ATP8A1: variants seen among roughly 807,000 people sequenced by gnomAD.
ATP8A1 encodes the protein phospholipid-transporting ATPase IA.
ATP8A1 carries 90 observed loss-of-function variants against 177.7 expected under a neutral mutation model. That is an observed-to-expected ratio of 0.51 (90% confidence interval 0.43 to 0.60). The LOEUF is 0.60. Ranked by LOEUF, ATP8A1 falls within the 20% of genes least tolerant of loss-of-function variation. ATP8A1 has a pLI of 0.00. For missense variants in ATP8A1, 1,072 were observed against 1,392.8 expected (o/e 0.77, Z 3.67); for synonymous variants, 493 against 485.9 (o/e 1.01, Z -0.19).
chr4:42,622,799 C>T (rs561715072), intron 4 of ATP8A1, among the ~76,000 whole-genome samples: 4 of 152,218 alleles, frequency 2.6e-5, no homozygotes, highest in South Asian at 2.1e-4. Flanking sequence ...TGCCTGAGGT[C>T]GGGAGTTCGA....
intron 25 of ATP8A1, among the ~76,000 whole-genome samples, chr4:42,472,747 CA>C (rs11315234): frequency 0.45 from 49,300 of 109,872 alleles, 7,913 homozygotes; most frequent in East Asian, 0.56. Context: ...GAGACTGTCT[CA>C]AAAAAAAAAA....
intron 36 of ATP8A1, among the ~76,000 whole-genome samples, chr4:42,413,430 A>C (rs1712849809): frequency 6.6e-6 from 1 of 152,192 alleles, no homozygotes; most frequent in Non-Finnish European, 1.5e-5. Context: ...GTGGTGAATA[A>C]TGTAATTGAT....
intron 22 of ATP8A1, among the ~76,000 whole-genome samples, chr4:42,508,940 T>C (rs1376764068): frequency 6.6e-6 from 1 of 152,248 alleles, no homozygotes; most frequent in Admixed American, 6.5e-5. Context: ...TGCTTAGGCA[T>C]GAACAATAAA....
chr4:42,628,849 C>T (rs905058798), intron 1 of ATP8A1, among the ~76,000 whole-genome samples: 3 of 152,196 alleles, frequency 2.0e-5, no homozygotes, highest in Admixed American at 2.0e-4. Context: ...TCACTCCACT[C>T]TGAGCTGATG....
intron 1 of ATP8A1, among the ~76,000 whole-genome samples, chr4:42,635,864 G>T: frequency 7.0e-6 from 1 of 142,108 alleles, no homozygotes; most frequent in Admixed American, 7.3e-5. Flanking sequence ...GCTCCTGGAA[G>T]CACATGAAAA....
At chr4:42,540,286 T>C (rs1287603196) in intron 20 of ATP8A1, among the ~76,000 whole-genome samples, 1 of 152,114 alleles carries the variant, frequency 6.6e-6, no homozygotes, top group African/African-American at 2.4e-5. Context: ...ATAACTGATG[T>C]AGGCGAGGAT....
At chr4:42,539,115 A>G (rs1360293538) in intron 20 of ATP8A1, among the ~76,000 whole-genome samples, 1 of 152,188 alleles carries the variant, frequency 6.6e-6, no homozygotes, top group Admixed American at 6.6e-5. Context: ...AACAACCTGG[A>G]TGGAATTGGA....
At chr4:42,424,337 A>C (rs1464991596) in intron 33 of ATP8A1, among the ~76,000 whole-genome samples, 1 of 152,092 alleles carries the variant, frequency 6.6e-6, no homozygotes, top group South Asian at 2.1e-4. Context: ...AATTATAATA[A>C]AAAATATCTT....
chr4:42,486,152 G>A (rs192708450), intron 24 of ATP8A1, among the ~76,000 whole-genome samples: 34 of 152,224 alleles, frequency 2.2e-4, no homozygotes, highest in Admixed American at 1.1e-3. Flanking sequence ...TCACCCCACC[G>A]CTGTGTCCGG....
At chr4:42,630,000 T>C (rs376876528) in intron 1 of ATP8A1, among the ~76,000 whole-genome samples, 6 of 152,220 alleles carry the variant, frequency 3.9e-5, no homozygotes, top group Non-Finnish European at 8.8e-5. Flanking sequence ...ATCTCACAGC[T>C]CTGGGTTAAA....
chr4:42,425,850 G>C (rs777551103), intron 33 of ATP8A1, among the ~76,000 whole-genome samples: 2 of 151,790 alleles, frequency 1.3e-5, no homozygotes, highest in Non-Finnish European at 2.9e-5. Context: ...CCCTTCTCAA[G>C]GCACTGTGAA....
At chr4:42,514,519 AATACAGTAC>A (rs1560410182) in intron 22 of ATP8A1, among the ~76,000 whole-genome samples, 1 of 152,226 alleles carries the variant, frequency 6.6e-6, no homozygotes, top group Admixed American at 6.5e-5. Flanking sequence ...AGGAAAATGG[AATACAGTAC>A]ATAGAGTACA....
intron 22 of ATP8A1, among the ~76,000 whole-genome samples, chr4:42,511,041 T>C (rs955928005): frequency 6.6e-6 from 1 of 152,208 alleles, no homozygotes; most frequent in African/African-American, 2.4e-5. Flanking sequence ...TCTACTTTGA[T>C]GCCTATGAAG....
intron 19 of ATP8A1, among the ~76,000 whole-genome samples, chr4:42,545,191 G>A (rs1728776519): frequency 6.7e-6 from 1 of 149,392 alleles, no homozygotes; most frequent in African/African-American, 2.5e-5. Flanking sequence ...GAATATTTAA[G>A]TTCCCTCTTT....
chr4:42,556,092 G>C (rs890577293), intron 15 of ATP8A1, 52 bp from the exon 16 acceptor site: 25 of 1,295,190 alleles, frequency 1.9e-5, no homozygotes, highest in Non-Finnish European at 2.6e-5. Context: ...CCAGCCCACT[G>C]ATCTATTTGT....
chr4:42,457,588 G>T (rs891965005), intron 27 of ATP8A1, among the ~76,000 whole-genome samples: 3 of 152,200 alleles, frequency 2.0e-5, no homozygotes, highest in Non-Finnish European at 2.9e-5. Flanking sequence ...TGGCTCAAAA[G>T]TTGTAGTTCT....
intron 20 of ATP8A1, among the ~76,000 whole-genome samples, chr4:42,539,187 A>G (rs1053292773): frequency 2.6e-5 from 4 of 152,118 alleles, no homozygotes; most frequent in African/African-American, 9.7e-5. Context: ...GTTCTCACTC[A>G]TAAGTGACAG....
At chr4:42,588,427 T>G in intron 7 of ATP8A1, 98 bp from the exon 8 acceptor site, 1 of 955,114 alleles carries the variant, frequency 1.0e-6, no homozygotes, top group East Asian at 2.6e-5. Context: ...CCTTTCGTTC[T>G]AGACAAAGTA....
At chr4:42,517,711 C>T (rs139686032) in intron 22 of ATP8A1, among the ~76,000 whole-genome samples, 109 of 152,312 alleles carry the variant, frequency 7.2e-4, no homozygotes, top group African/African-American at 2.5e-3. Flanking sequence ...GCAACTGATT[C>T]GTGAAACAAC....
Sources: allele counts gnomAD v4.1 joint callset (sites outside exome capture counted in the v4.1 genomes callset), GRCh38; gene constraint gnomAD v4.1.1; transcripts MANE v1.5; gene names NCBI Gene and HGNC (gene_info 2026-07-23, HGNC 2026-07-21).